Variants in FSTL5 observed in about 807,000 individuals in gnomAD.
FSTL5 encodes the protein follistatin-related protein 5.
A neutral mutation model predicts 89.1 loss-of-function variants in FSTL5; 62 were observed. The observed-to-expected ratio is 0.70, with a 90% CI of 0.57 to 0.86. FSTL5 has a LOEUF of 0.86. Ranked by LOEUF, FSTL5 falls within the 40% of genes least tolerant of loss-of-function variation. The pLI is 0.00. For missense variants in FSTL5, 1,057 were observed against 1,001.6 expected (o/e 1.06, Z -0.75); for synonymous variants, 383 against 346.2 (o/e 1.11, Z -1.18).
chr4:162,087,613 TG>T (rs1485580729), intron 2 of FSTL5, among the ~76,000 whole-genome samples: 1 of 152,168 alleles, frequency 6.6e-6, no homozygotes, highest in African/African-American at 2.4e-5. Context: ...TGAGAGCCAC[TG>T]GAATTCTGGG....
At chr4:161,711,680 G>T (rs1204725324) in intron 6 of FSTL5, among the ~76,000 whole-genome samples, 1 of 151,746 alleles carries the variant, frequency 6.6e-6, no homozygotes, top group African/African-American at 2.4e-5. Flanking sequence ...AGAAGAAAAA[G>T]AAAATTTAAC....
At chr4:161,608,108 A>T (rs185469769) in intron 7 of FSTL5, among the ~76,000 whole-genome samples, 1 of 152,148 alleles carries the variant, frequency 6.6e-6, no homozygotes, top group African/African-American at 2.4e-5. Flanking sequence ...CCCAATGGGA[A>T]TTAAAACATC....
At chr4:162,151,268 C>A (rs910759893) in intron 1 of FSTL5, among the ~76,000 whole-genome samples, 21 of 152,106 alleles carry the variant, frequency 1.4e-4, no homozygotes, top group Non-Finnish European at 3.1e-4. Flanking sequence ...AATCATGTAG[C>A]AACTTCCCAA....
At chr4:161,825,286 G>GTTAAGGATTTTT (rs763455196) in intron 4 of FSTL5, among the ~76,000 whole-genome samples, 5,789 of 152,086 alleles carry the variant, frequency 0.038, 177 homozygotes, top group Middle Eastern at 0.13. Flanking sequence ...TCCTGGATTT[G>GTTAAGGATTTTT]GCCACCTAGC....
intron 4 of FSTL5, among the ~76,000 whole-genome samples, chr4:161,797,877 A>G (rs969028649): frequency 1.3e-5 from 2 of 151,700 alleles, no homozygotes; most frequent in African/African-American, 4.8e-5. Flanking sequence ...ATCTTTAGCC[A>G]AAATTTGAAT....
rs190406682 is a variant in FSTL5 at position 161,682,967 on chromosome 4, G to A, written c.728-26473C>T. Among the ~76,000 whole-genome samples the A allele has an allele frequency of 3.9e-3, 600 of 152,094 alleles. 5 individuals carry two copies. The highest frequency in any genetic ancestry group is 0.013 in the African/African-American group (538 of 41,508). On this transcript the variant is annotated intron_variant, in intron 6 of 15. Coordinates refer to ENST00000306100, the MANE Select transcript of FSTL5 (RefSeq NM_020116.5). ...TCACCATATTGGCCAGGCTGTTCTC[G>A]AACTCCTGACCTCGTGATCCACCCA...
At chr4:161,501,893 C>T (rs2126486648) in intron 11 of FSTL5, among the ~76,000 whole-genome samples, 1 of 152,074 alleles carries the variant, frequency 6.6e-6, no homozygotes, top group East Asian at 1.9e-4. Flanking sequence ...TCCATGTAAA[C>T]ATTAACATAT....
chr4:161,977,836 G>C (rs975404951), intron 3 of FSTL5, among the ~76,000 whole-genome samples: 1 of 151,756 alleles, frequency 6.6e-6, no homozygotes, highest in Non-Finnish European at 1.5e-5. Flanking sequence ...CTGACCAAAA[G>C]GTTCCATTGG....
At chr4:161,442,893 C>A (rs550102238) in intron 15 of FSTL5, among the ~76,000 whole-genome samples, 1 of 151,982 alleles carries the variant, frequency 6.6e-6, no homozygotes, top group East Asian at 1.9e-4. Flanking sequence ...CTTTTTAAAG[C>A]CAGATGGAAT....
chr4:161,812,879 CAAAAAAAAAA>C (rs35183730), intron 4 of FSTL5, among the ~76,000 whole-genome samples: 21 of 41,566 alleles, frequency 5.1e-4, no homozygotes, highest in South Asian at 4.7e-3. Context: ...TAAATCCCAG[CAAAAAAAAAA>C]AAAAAAAAAA....
At chr4:161,663,425 AG>A (rs1736783636) in intron 6 of FSTL5, among the ~76,000 whole-genome samples, 1 of 152,120 alleles carries the variant, frequency 6.6e-6, no homozygotes, top group South Asian at 2.1e-4. Context: ...GCCAAAACAA[AG>A]GGGTTACATG....
In FSTL5 at chr4:161,480,711, C is replaced by T. The variant is rs1001573632; in HGVS notation, c.1608+309G>A. On this transcript the variant is annotated intron_variant, in intron 13 of 15. Transcript: ENST00000306100. ...TGTCTTAATTGGCCTCTGCCTGCTCCGACTGTGCCTTCCTTGCTCTAGACA... is the reference window on the plus strand; with the variant it reads ...TGTCTTAATTGGCCTCTGCCTGCTCTGACTGTGCCTTCCTTGCTCTAGACA... Among the ~76,000 whole-genome samples the T allele has an allele frequency of 2.6e-5, 4 of 152,092 alleles. 1 individual carries two copies. In the East Asian group the frequency reaches 5.8e-4, roughly 22 times the overall value.
At chr4:161,450,113 A>C (rs995176254) in intron 15 of FSTL5, among the ~76,000 whole-genome samples, 3 of 152,108 alleles carry the variant, frequency 2.0e-5, no homozygotes, top group Non-Finnish European at 4.4e-5. Flanking sequence ...AGATTTTTTG[A>C]GGGAGGTTTC....
intron 4 of FSTL5, among the ~76,000 whole-genome samples, chr4:161,914,889 C>T (rs899387270): frequency 6.6e-6 from 1 of 152,182 alleles, no homozygotes; most frequent in African/African-American, 2.4e-5. Context: ...ACATTAAATG[C>T]ATGATTTAAT....
At chr4:162,131,721 AAAGT>A (rs1732308824) in intron 1 of FSTL5, among the ~76,000 whole-genome samples, 1 of 152,222 alleles carries the variant, frequency 6.6e-6, no homozygotes, top group Non-Finnish European at 1.5e-5. Context: ...CTTCAGCCAC[AAAGT>A]GAGAGCCCAC....
chr4:161,869,480 C>G (rs185403128), intron 4 of FSTL5, among the ~76,000 whole-genome samples: 16 of 152,304 alleles, frequency 1.1e-4, no homozygotes. Flanking sequence ...CTGACTCCCA[C>G]ACCCATTCCA....
chr4:162,148,356 T>C (rs755920012), intron 1 of FSTL5, among the ~76,000 whole-genome samples: 43 of 152,188 alleles, frequency 2.8e-4, no homozygotes, highest in Non-Finnish European at 6.2e-4. Context: ...TGTTTTTTAG[T>C]GTGATAATTA....
At position 161,795,699 on chromosome 4, in the gene FSTL5, T is replaced by C. The variant is rs1729612844; in HGVS notation, c.410-19625A>G. On this transcript the variant is annotated intron_variant, in intron 4 of 15. Coordinates refer to ENST00000306100, the MANE Select transcript of FSTL5 (RefSeq NM_020116.5). Reference sequence around the variant, plus strand: ...AGGAAATTCGGTTTACCCAGCACTATTTGTTGAAGAGAGTATTCTTTCTCC... The same window carrying C: ...AGGAAATTCGGTTTACCCAGCACTACTTGTTGAAGAGAGTATTCTTTCTCC... Among the ~76,000 whole-genome samples the C allele has an allele frequency of 2.0e-5, 3 of 152,086 alleles. No homozygotes were observed. The South Asian group carries it at 6.2e-4, about 31-fold the overall frequency.
chr4:161,666,669 C>G (rs917237440), intron 6 of FSTL5, among the ~76,000 whole-genome samples: 2 of 151,992 alleles, frequency 1.3e-5, no homozygotes, highest in Admixed American at 1.3e-4. Context: ...AAAGAGAAGA[C>G]CCCTATATGG....
Sources: allele counts gnomAD v4.1 joint callset (sites outside exome capture counted in the v4.1 genomes callset), GRCh38; gene constraint gnomAD v4.1.1; transcripts MANE v1.5; gene names NCBI Gene and HGNC (gene_info 2026-07-23, HGNC 2026-07-21).